The following PTPRM variants were observed in gnomAD, a reference collection of about 807,000 sequenced individuals.
The protein encoded by PTPRM is protein tyrosine phosphatase receptor type M.
A neutral mutation model predicts 186.7 loss-of-function variants in PTPRM; 47 were observed. That is an observed-to-expected ratio of 0.25 (90% CI 0.20 to 0.32). PTPRM has a LOEUF of 0.32. Among genes scored for constraint, PTPRM ranks in the 10% least tolerant of loss-of-function variants. The pLI, the probability that PTPRM is intolerant of heterozygous loss-of-function variation, is 1.00. For synonymous variants in PTPRM, 668 were observed against 674.9 expected (o/e 0.99, Z 0.16); for missense variants, 1,494 against 1,865.0 (o/e 0.80, Z 3.66).
At chr18:8,071,652 G>T (rs2089483925) in intron 8 of PTPRM, among the ~76,000 whole-genome samples, 1 of 152,102 alleles carries the variant, frequency 6.6e-6, no homozygotes, top group Admixed American at 6.5e-5. Flanking sequence ...CCTGAGTGCT[G>T]GTCCCTGTGC....
At chr18:8,403,425 A>G (rs963149980) in intron 32 of PTPRM, 1 of 152,218 alleles carries the variant, frequency 6.6e-6, no homozygotes, top group Non-Finnish European at 1.5e-5. Flanking sequence ...TGGGTATAAC[A>G]TTCGATTGTA....
At chr18:8,347,999 C>T (rs2095514442) in intron 23 of PTPRM, among the ~76,000 whole-genome samples, 1 of 152,218 alleles carries the variant, frequency 6.6e-6, no homozygotes, top group East Asian at 1.9e-4. Flanking sequence ...GGGAAAAGCA[C>T]TCTCCTTGTT....
chr18:8,139,467 C>T (rs530223727), intron 13 of PTPRM, among the ~76,000 whole-genome samples: 17 of 152,288 alleles, frequency 1.1e-4, no homozygotes, highest in African/African-American at 2.4e-4. Context: ...GCAGTACACA[C>T]GGCTGCCGGG....
chr18:8,324,164 TTATAAC>T (rs1202804425), intron 22 of PTPRM, among the ~76,000 whole-genome samples: 1 of 152,204 alleles, frequency 6.6e-6, no homozygotes, highest in Non-Finnish European at 1.5e-5. Flanking sequence ...CACAGATTGT[TTATAAC>T]TATGTGAAAT....
intron 13 of PTPRM, among the ~76,000 whole-genome samples, chr18:8,122,522 C>T (rs573168448): frequency 6.6e-6 from 1 of 152,316 alleles, no homozygotes; most frequent in East Asian, 1.9e-4. Flanking sequence ...AGTACAACTC[C>T]ACTGCATGTT....
chr18:8,108,887 G>C (rs1274058780), intron 11 of PTPRM, among the ~76,000 whole-genome samples: 3 of 152,168 alleles, frequency 2.0e-5, no homozygotes, highest in African/African-American at 4.8e-5. Flanking sequence ...AATAATGGTA[G>C]GACAGGGCTA....
chr18:7,860,574 C>G (rs2047328784), intron 2 of PTPRM, among the ~76,000 whole-genome samples: 1 of 152,168 alleles, frequency 6.6e-6, no homozygotes, highest in African/African-American at 2.4e-5. Context: ...TTAGCCTTTC[C>G]AAGCTCAGGA....
chr18:8,378,937 C>A (rs990622816), intron 27 of PTPRM, among the ~76,000 whole-genome samples: 2 of 152,168 alleles, frequency 1.3e-5, no homozygotes, highest in African/African-American at 4.8e-5. Flanking sequence ...TAGGGACCCA[C>A]AGTGGCCCTT....
chr18:7,834,394 A>G (rs573357765), intron 2 of PTPRM, among the ~76,000 whole-genome samples: 59 of 147,070 alleles, frequency 4.0e-4, no homozygotes, highest in African/African-American at 1.4e-3. Context: ...TTATATATAC[A>G]TATGTATATA....
At chr18:8,266,423 ATTAC>A (rs1206541820) in intron 19 of PTPRM, among the ~76,000 whole-genome samples, 2 of 151,852 alleles carry the variant, frequency 1.3e-5, no homozygotes, top group African/African-American at 2.4e-5. Flanking sequence ...AATGTTTTGA[ATTAC>A]TTAATGTTTG....
At chr18:7,799,309 A>T (rs2043831534) in intron 2 of PTPRM, among the ~76,000 whole-genome samples, 1 of 152,140 alleles carries the variant, frequency 6.6e-6, no homozygotes, top group Non-Finnish European at 1.5e-5. Context: ...CAGAGCTTTC[A>T]GGGCCCAATC....
At chr18:7,992,698 A>T (rs756355748) in intron 7 of PTPRM, among the ~76,000 whole-genome samples, 2 of 152,142 alleles carry the variant, frequency 1.3e-5, no homozygotes, top group Non-Finnish European at 2.9e-5. Flanking sequence ...AAAACATTGT[A>T]TATCAAAACC....
intron 1 of PTPRM, among the ~76,000 whole-genome samples, chr18:7,729,986 A>G (rs1290967016): frequency 6.6e-6 from 1 of 152,146 alleles, no homozygotes; most frequent in African/African-American, 2.4e-5. Context: ...TCAAATATTT[A>G]TGGAAAAAAA....
intron 2 of PTPRM, among the ~76,000 whole-genome samples, chr18:7,868,842 T>G (rs2047843717): frequency 6.6e-6 from 1 of 152,192 alleles, no homozygotes; most frequent in African/African-American, 2.4e-5. Context: ...AGATGGGAGT[T>G]TTACCTATAA....
At chr18:8,149,155 T>A (rs529292131) in intron 14 of PTPRM, among the ~76,000 whole-genome samples, 1 of 152,304 alleles carries the variant, frequency 6.6e-6, no homozygotes, top group African/African-American at 2.4e-5. Flanking sequence ...GTTCCGTGGA[T>A]GTCTCTTAGG....
chr18:7,653,879 T>G (rs2038784759), intron 1 of PTPRM, among the ~76,000 whole-genome samples: 1 of 152,192 alleles, frequency 6.6e-6, no homozygotes, highest in Admixed American at 6.5e-5. Flanking sequence ...TTTAGGTCTT[T>G]GAGGGATCAT....
chr18:7,927,206 C>T (rs1406594466), intron 5 of PTPRM, among the ~76,000 whole-genome samples: 3 of 152,120 alleles, frequency 2.0e-5, no homozygotes, highest in African/African-American at 4.8e-5. Context: ...TCAAATTCCA[C>T]CATATGTGTT....
At chr18:7,974,036 T>C (rs1056500067) in intron 7 of PTPRM, among the ~76,000 whole-genome samples, 2 of 152,026 alleles carry the variant, frequency 1.3e-5, no homozygotes, top group African/African-American at 4.8e-5. Context: ...TCCTTTGCAC[T>C]TCAATGATGC....
At chr18:7,951,416 A>G (rs935447928) in intron 6 of PTPRM, among the ~76,000 whole-genome samples, 8 of 152,306 alleles carry the variant, frequency 5.3e-5, no homozygotes, top group African/African-American at 1.9e-4. Context: ...GTGGGATGCA[A>G]ATCTAGTAGT....
Sources: allele counts gnomAD v4.1 joint callset (sites outside exome capture counted in the v4.1 genomes callset), GRCh38; gene constraint gnomAD v4.1.1; transcripts MANE v1.5; gene names NCBI Gene and HGNC (gene_info 2026-07-23, HGNC 2026-07-21).